The following CACNA1D variants were observed in gnomAD, a reference collection of about 807,000 sequenced individuals.
CACNA1D encodes calcium voltage-gated channel subunit alpha1 D.
CACNA1D carries 55 observed loss-of-function variants against 257.1 expected under a neutral mutation model. The observed-to-expected ratio is 0.21, with a 90% CI of 0.17 to 0.27. CACNA1D has a LOEUF of 0.27. Ranked by LOEUF, CACNA1D falls within the 10% of genes least tolerant of loss-of-function variation. The probability of loss-of-function intolerance (pLI) is 1.00; values close to 1 mark genes in which losing one functional copy is unlikely to be tolerated. For missense variants in CACNA1D, 1,876 were observed against 2,784.0 expected, an observed-to-expected ratio of 0.67 and a Z score of 7.34; for synonymous variants, 980 against 1,014.9, an observed-to-expected ratio of 0.97 and a Z score of 0.65.
At chr3:53,767,278 A>G (rs764872373) in intron 30 of CACNA1D, among the ~76,000 whole-genome samples, 2 of 152,096 alleles carry the variant, frequency 1.3e-5, no homozygotes, top group Non-Finnish European at 2.9e-5. Context: ...AATTCCCAAC[A>G]TGGAGGTCTG....
chr3:53,515,666 C>T (rs559285493), intron 3 of CACNA1D, among the ~76,000 whole-genome samples: 1 of 152,336 alleles, frequency 6.6e-6, no homozygotes, highest in South Asian at 2.1e-4. Context: ...CCAAGGCTCA[C>T]AGATGGGAGC....
chr3:53,810,967 G>A (rs182188693), intron 47 of CACNA1D, 146 bp from the exon 48 acceptor site: 120 of 679,172 alleles, frequency 1.8e-4, no homozygotes, highest in African/African-American at 1.3e-3. Context: ...TAGTTATTAT[G>A]TATGAGGTCT....
At position 53,497,206 on chromosome 3, in the gene CACNA1D, C is replaced by G; in HGVS notation, c.122C>G (p.Ser41Cys). 1.2e-6 allele frequency: 2 copies of G among 1,614,186 alleles called. No homozygotes were observed. Among genetic ancestry groups the G allele is most frequent in the Admixed American group, 1.7e-5 (1 of 60,024 alleles). ...CCTCTTTCTGGTGAAGGACCAACTT[C>G]TCAGCCGAATAGCTCCAAGCAAACT... The part of the protein sequence containing the change: ...RLPLSGEGPT[S>C]QPNSSKQTVL... Residue 41 changes from serine (S) to cysteine (C), a missense_variant, in exon 2 of 48, where the codon TCT becomes TGT. By Grantham distance (112) the Ser-to-Cys change is moderately radical. Around this residue, in one of 10 missense-constraint regions of CACNA1D, gnomAD observed 143 missense variants for 168.7 expected, o/e 0.85. Coordinates refer to ENST00000350061, the MANE Select transcript of CACNA1D (RefSeq NM_001128840.3).
At chr3:53,610,775 C>T (rs1453522589) in intron 3 of CACNA1D, among the ~76,000 whole-genome samples, 2 of 152,160 alleles carry the variant, frequency 1.3e-5, no homozygotes, top group Non-Finnish European at 2.9e-5. Context: ...ACTCTTGCCA[C>T]ATAAGCTATA....
intron 20 of CACNA1D, among the ~76,000 whole-genome samples, chr3:53,736,797 A>T (rs2095061460): frequency 6.6e-6 from 1 of 151,188 alleles, no homozygotes; most frequent in African/African-American, 2.4e-5. Flanking sequence ...CTGAGGTGGG[A>T]GGATTGCCTG....
chr3:53,799,907 G>A (rs562319608), intron 40 of CACNA1D: 8 of 367,720 alleles, frequency 2.2e-5, no homozygotes, highest in Admixed American at 1.1e-4. Flanking sequence ...TCTTGTAGGC[G>A]AGCCTACTGA....
intron 3 of CACNA1D, among the ~76,000 whole-genome samples, chr3:53,621,006 A>C (rs535585611): frequency 1.3e-5 from 2 of 152,298 alleles, no homozygotes; most frequent in Non-Finnish European, 2.9e-5. Flanking sequence ...AAGTGGCGAG[A>C]ATACCCAGCT....
intron 3 of CACNA1D, among the ~76,000 whole-genome samples, chr3:53,552,382 T>C (rs1332347988): frequency 6.7e-6 from 1 of 149,100 alleles, no homozygotes; most frequent in Non-Finnish European, 1.5e-5. Flanking sequence ...ATTCCCTTTC[T>C]TTCTTTTTCT....
intron 8 of CACNA1D, among the ~76,000 whole-genome samples, chr3:53,685,212 A>T (rs764295263): frequency 6.6e-6 from 1 of 152,202 alleles, no homozygotes; most frequent in Non-Finnish European, 1.5e-5. Context: ...TTCCAGAAAT[A>T]GGGACATTTC....
intron 3 of CACNA1D, among the ~76,000 whole-genome samples, chr3:53,613,680 A>G (rs1169350140): frequency 6.6e-6 from 1 of 152,098 alleles, no homozygotes; most frequent in Non-Finnish European, 1.5e-5. Context: ...ACTCAACCTA[A>G]CAATGGAAAT....
intron 7 of CACNA1D, among the ~76,000 whole-genome samples, chr3:53,672,107 A>G (rs2094328481): frequency 6.6e-6 from 1 of 152,192 alleles, no homozygotes. Context: ...TCCTTTGGCC[A>G]GGTCTGCCAG....
intron 1 of CACNA1D, among the ~76,000 whole-genome samples, chr3:53,496,537 G>A (rs1312160038): frequency 6.6e-6 from 1 of 152,208 alleles, no homozygotes; most frequent in African/African-American, 2.4e-5. Flanking sequence ...CAAGCATCAT[G>A]AATTTTCATT....
At chr3:53,778,760 G>T (rs2095410959) in intron 37 of CACNA1D, among the ~76,000 whole-genome samples, 1 of 152,176 alleles carries the variant, frequency 6.6e-6, no homozygotes, top group Non-Finnish European at 1.5e-5. Context: ...TGGTGTTAAA[G>T]GGATCAGGAT....
chr3:53,691,429 A>G (rs1308727086), intron 8 of CACNA1D, among the ~76,000 whole-genome samples: 5 of 151,836 alleles, frequency 3.3e-5, no homozygotes, highest in Admixed American at 6.6e-5. Flanking sequence ...AAACATGTTT[A>G]AGTTTTAAAA....
chr3:53,759,945 G>A (rs1006790775), intron 29 of CACNA1D, among the ~76,000 whole-genome samples: 1 of 152,216 alleles, frequency 6.6e-6, no homozygotes, highest in Admixed American at 6.5e-5. Context: ...AAGCTAGAAA[G>A]CATAAGCTGT....
At chr3:53,730,161 G>C (rs900224175) in intron 15 of CACNA1D, among the ~76,000 whole-genome samples, 2 of 152,188 alleles carry the variant, frequency 1.3e-5, no homozygotes, top group South Asian at 2.1e-4. Flanking sequence ...CACACACACA[G>C]AGAAAGGTTG....
At chr3:53,713,543 T>TGTGTGAGA (rs377132134) in intron 9 of CACNA1D, among the ~76,000 whole-genome samples, 579 of 120,986 alleles carry the variant, frequency 4.8e-3, no homozygotes, top group African/African-American at 0.016. Flanking sequence ...TGTGTGTGTG[T>TGTGTGAGA]GAGAGATTTG....
Position 53,745,884 on chromosome 3 carries a change from C to A in CACNA1D, c.3167+9C>A, listed in dbSNP as rs375959064. ...AACCCTGAAGAATGCAGGTGAGCGT[C>A]CTGAGAGTGGAGTAGGGGACTTAGA... On this transcript the variant is annotated intron_variant, in intron 25 of 47. Transcript: ENST00000350061. 2 of 1,609,214 alleles carry A rather than the reference C, an allele frequency of 1.2e-6. No individual in the cohort carries two copies. The highest frequency in any genetic ancestry group is 2.2e-5 in the South Asian group (2 of 90,968).
chr3:53,766,224 CACTCATCTTCTTT>C (rs1165357724), intron 30 of CACNA1D: 2 of 152,292 alleles, frequency 1.3e-5, no homozygotes, highest in Non-Finnish European at 2.9e-5. Context: ...CTGACAGTCT[CACTCATCTTCTTT>C]TTCTGACCCC....
Sources: allele counts gnomAD v4.1 joint callset (sites outside exome capture counted in the v4.1 genomes callset), GRCh38; gene constraint gnomAD v4.1.1; regional missense constraint gnomAD v4.1.1; transcripts MANE v1.5; gene names NCBI Gene and HGNC (gene_info 2026-07-23, HGNC 2026-07-21).